The following SETD2 variants were observed in gnomAD, a reference collection of about 807,000 sequenced individuals.
SETD2 encodes histone-lysine N-methyltransferase SETD2.
A neutral mutation model predicts 242.1 loss-of-function variants in SETD2; 31 were observed. The ratio of observed to expected loss-of-function variants is 0.13; its 90% CI spans 0.10 to 0.17. The LOEUF is 0.17. Ranked by LOEUF, SETD2 falls within the 10% of genes least tolerant of loss-of-function variation. The probability of loss-of-function intolerance (pLI) is 1.00; values close to 1 mark genes in which losing one functional copy is unlikely to be tolerated. For synonymous variants in SETD2, 1,006 were observed against 1,066.5 expected (o/e 0.94, Z 1.11); for missense variants, 2,481 against 3,046.3 (o/e 0.81, Z 4.37).
In SETD2 at chr3:47,116,766, A is replaced by T; in HGVS notation, c.4455-12T>A. 1 of 1,557,310 alleles carries T rather than the reference A, an allele frequency of 6.4e-7. No homozygotes were observed. Among genetic ancestry groups the T allele is most frequent in the Non-Finnish European group, 8.8e-7 (1 of 1,136,376 alleles). The stretch of plus-strand genomic sequence containing the variant: ...ATTTATTCTTCTTTCTATTGGGTAA[A>T]ATTTCATAAAAACTGATTAAATAAA... On this transcript the variant is annotated splice_polypyrimidine_tract_variant and intron_variant, in intron 3 of 20. Coordinates refer to ENST00000409792, the MANE Select transcript of SETD2 (RefSeq NM_014159.7).
At position 47,062,243 on chromosome 3, in the gene SETD2, A is replaced by T. The variant is rs781655817; in HGVS notation, c.6213T>A (p.Asn2071Lys). The change falls in exon 14 of 21, where the codon AAT becomes AAA. Residue 2071 changes from asparagine (N) to lysine (K), a missense_variant. Around this residue, in one of 17 missense-constraint regions of SETD2, gnomAD observed 80 missense variants for 102.6 expected, o/e 0.78. Transcript: ENST00000409792. ...AGCTTCTTCGTTTCCTTTTCTCTTT[A>T]TTTTGAGTTTGCTTGTCTGGGTCTC... ...RERDPDKQTQNKEKRKRRSSL... is the reference protein window; with the variant it reads ...RERDPDKQTQKKEKRKRRSSL... 5.0e-6 allele frequency: 8 copies of T among 1,613,906 alleles called. No homozygotes were observed. In the Admixed American group the frequency reaches 5.0e-5, roughly 10 times the overall value.
In SETD2 at chr3:47,017,384, G is replaced by A. The variant is rs950731134; in HGVS notation, c.7534-130C>T. 6 of 993,596 alleles carry A rather than the reference G, an allele frequency of 6.0e-6. No homozygotes were observed. The highest frequency in any genetic ancestry group is 7.4e-6 in the Non-Finnish European group (5 of 679,874). 61.5% of individuals were successfully genotyped at this position (993,596 alleles called of 1,614,324 possible). A position where few individuals can be genotyped will look rare whatever the true frequency, so the allele number is the denominator to read the frequency against. On this transcript the variant is annotated intron_variant, in intron 20 of 20. Coordinates refer to ENST00000409792, the MANE Select transcript of SETD2 (RefSeq NM_014159.7). This position sits in a 1 kb window ranked among gnomAD's most constrained non-coding sequence, Gnocchi z 4.8. ...TCACCAAGACAGGAAGTTAATAAGG[G>A]GGTAGATGTTGGGGCAGGCTGGTGC... is the stretch of plus-strand genomic sequence containing the variant.
At chr3:47,150,706 G>T (rs1408925196) in intron 1 of SETD2, among the ~76,000 whole-genome samples, 1 of 151,992 alleles carries the variant, frequency 6.6e-6, no homozygotes, top group Non-Finnish European at 1.5e-5. Context: ...AATAGGCTGG[G>T]CACGGTGTCT....
At chr3:47,147,917 C>CAAAA (rs547475994) in intron 1 of SETD2, among the ~76,000 whole-genome samples, 2 of 52,132 alleles carry the variant, frequency 3.8e-5, no homozygotes, top group African/African-American at 7.2e-5. Flanking sequence ...GACTCTGTCT[C>CAAAA]AAAAAAAAAA....
At chr3:47,070,976 T>A (rs940400811) in intron 12 of SETD2, among the ~76,000 whole-genome samples, 1 of 152,112 alleles carries the variant, frequency 6.6e-6, no homozygotes, top group Admixed American at 6.6e-5. Context: ...CCTCAAGTGA[T>A]CCTCCTGTCT....
intron 15 of SETD2, among the ~76,000 whole-genome samples, chr3:47,056,092 A>AT (rs146077691): frequency 0.38 from 42,882 of 112,566 alleles, 9,038 homozygotes; most frequent in Non-Finnish European, 0.46. Context: ...AGAAAACATG[A>AT]TTTTTATTTA....
At chr3:47,032,497 TAAAAG>T (rs1221815083) in intron 18 of SETD2, among the ~76,000 whole-genome samples, 2 of 140,020 alleles carry the variant, frequency 1.4e-5, no homozygotes, top group African/African-American at 2.7e-5. Flanking sequence ...AAATAAAAAA[TAAAAG>T]AAAATAAAGA....
At chr3:47,118,681 A>G (rs1039910612) in intron 3 of SETD2, among the ~76,000 whole-genome samples, 1 of 151,640 alleles carries the variant, frequency 6.6e-6, no homozygotes, top group Admixed American at 6.6e-5. Flanking sequence ...AAAAAAAAAA[A>G]GTTAAATATA....
intron 5 of SETD2, among the ~76,000 whole-genome samples, chr3:47,107,989 G>T (rs7645006): frequency 6.6e-6 from 1 of 151,220 alleles, no homozygotes; most frequent in Admixed American, 6.6e-5. Context: ...CATTAAAAAA[G>T]AAAAAAAAGC....
At position 47,122,057 on chromosome 3, in the gene SETD2, C is replaced by T. The variant is rs1292988403; in HGVS notation, c.2579G>A (p.Ser860Asn). The T allele has an allele frequency of 6.2e-7, 1 of 1,613,770 alleles. No individual in the cohort carries two copies. The highest frequency in any genetic ancestry group is 1.7e-5 in the Admixed American group (1 of 59,990). Residue 860 changes from serine (S) to asparagine (N), a missense_variant, in exon 3 of 21, where the codon AGT becomes AAT. This residue lies in a region of SETD2 where 1,300 missense variants were observed against 1,259.2 expected (regional missense o/e 1.03). Coordinates refer to ENST00000409792, the MANE Select transcript of SETD2 (RefSeq NM_014159.7). Reference sequence around the variant, plus strand: ...ATCAAAATGATTAACAGAAGCTGAACTAGTGCTACCGATGCTCTGCTTATA... The same window carrying T: ...ATCAAAATGATTAACAGAAGCTGAATTAGTGCTACCGATGCTCTGCTTATA... ...EEYKQSIGST[S>N]SASVNHFDDL...
At chr3:47,057,578 A>T in intron 14 of SETD2, 88 bp from the exon 15 acceptor site, 1 of 948,160 alleles carries the variant, frequency 1.1e-6, no homozygotes, top group South Asian at 1.5e-5. Context: ...ACTCATGACT[A>T]AACCACTAAC....
intron 5 of SETD2, among the ~76,000 whole-genome samples, chr3:47,110,030 A>C (rs916206297): frequency 6.6e-6 from 1 of 152,046 alleles, no homozygotes; most frequent in Non-Finnish European, 1.5e-5. Flanking sequence ...TCCATCAACT[A>C]ACAAAAGGAT....
chr3:47,131,773 T>G (rs1295817423), intron 1 of SETD2, among the ~76,000 whole-genome samples: 1 of 151,896 alleles, frequency 6.6e-6, no homozygotes, highest in Admixed American at 6.6e-5. Flanking sequence ...TCTTTTTTTT[T>G]TTTTTTAATT....
At chr3:47,164,789 G>T (rs1697622961), upstream of SETD2, among the ~76,000 whole-genome samples, 1 of 152,176 alleles carries the variant, frequency 6.6e-6, no homozygotes, top group African/African-American at 2.4e-5. The surrounding 1 kb of genome is among the most constrained non-coding windows in gnomAD (Gnocchi z 5.4). Flanking sequence ...CTGTGCCCTC[G>T]GGGCTCCTAC....
intron 18 of SETD2, among the ~76,000 whole-genome samples, chr3:47,032,679 A>C (rs1184846478): frequency 1.3e-5 from 2 of 152,154 alleles, no homozygotes; most frequent in Non-Finnish European, 2.9e-5. Flanking sequence ...TAGGAGGCCG[A>C]GACAAGTGGA....
At chr3:47,057,599 C>T (rs911365817) in intron 14 of SETD2, 109 bp from the exon 15 acceptor site, 9 of 765,426 alleles carry the variant, frequency 1.2e-5, no homozygotes, top group Admixed American at 2.5e-5. Flanking sequence ...CACATCAAAC[C>T]CTATTTGGCA....
chr3:47,098,759 G>A (rs1271376666), intron 8 of SETD2, among the ~76,000 whole-genome samples: 3 of 152,006 alleles, frequency 2.0e-5, no homozygotes, highest in Non-Finnish European at 4.4e-5. Context: ...TTGCACCACC[G>A]CACTCCAGCC....
intron 5 of SETD2, among the ~76,000 whole-genome samples, chr3:47,106,960 G>T (rs2107700273): frequency 6.6e-6 from 1 of 152,192 alleles, no homozygotes; most frequent in Non-Finnish European, 1.5e-5. Context: ...CGTCTCTTTA[G>T]AATGTTATCA....
intron 1 of SETD2, among the ~76,000 whole-genome samples, chr3:47,141,240 T>C (rs1480072995): frequency 1.3e-5 from 2 of 152,118 alleles, no homozygotes; most frequent in African/African-American, 2.4e-5. Context: ...ACTCCTGGGC[T>C]CAAGCGATCT....
Sources: gnomAD v4.1 joint callset for allele counts (sites outside exome capture counted in the v4.1 genomes callset) on GRCh38, gnomAD v4.1.1 for gene constraint, gnomAD v4.1.1 regional missense constraint, Gnocchi (gnomAD v3.1) non-coding constraint, MANE v1.5 for transcripts, NCBI Gene and HGNC (gene_info 2026-07-23, HGNC 2026-07-21) for gene names.